Variants in RBFOX1 observed in about 807,000 individuals in gnomAD.
RBFOX1 encodes RNA binding protein fox-1 homolog 1.
Under a neutral mutation model 57.7 loss-of-function variants are expected in RBFOX1, and 8 were observed. That is an observed-to-expected ratio of 0.14 (90% CI 0.08 to 0.25). The LOEUF (loss-of-function observed/expected upper bound fraction) is 0.25, where lower values mean the gene tolerates loss of function less well. Ranked by LOEUF, RBFOX1 falls within the 10% of genes least tolerant of loss-of-function variation. The pLI, the probability that RBFOX1 is intolerant of heterozygous loss-of-function variation, is 1.00. For synonymous variants in RBFOX1, 326 were observed against 222.4 expected (o/e 1.47, Z -4.15); for missense variants, 611 against 548.5 (o/e 1.11, Z -1.14).
At chr16:7,520,708 T>C (rs1049482607) in intron 5 of RBFOX1, among the ~76,000 whole-genome samples, 7 of 152,240 alleles carry the variant, frequency 4.6e-5, no homozygotes, top group African/African-American at 1.2e-4. Flanking sequence ...AGCAGGTGTT[T>C]GTTGCTTTTG....
intron 2 of RBFOX1, among the ~76,000 whole-genome samples, chr16:5,521,524 A>AG (rs1555456219): frequency 0.013 from 1,973 of 152,172 alleles, 41 homozygotes; most frequent in African/African-American, 0.045. Flanking sequence ...CTATCTGTAA[A>AG]CTATTGCCTT....
At chr16:6,908,526 T>C (rs538768621) in intron 3 of RBFOX1, among the ~76,000 whole-genome samples, 95 of 152,318 alleles carry the variant, frequency 6.2e-4, no homozygotes, top group African/African-American at 2.0e-3. Flanking sequence ...AACTCACTTA[T>C]CAGGTTCACC....
In RBFOX1 at chr16:6,987,148, G is replaced by C. The variant is rs182658720; in HGVS notation, c.-15-64909G>C. Among the ~76,000 whole-genome samples the C allele has an allele frequency of 2.3e-3, 345 of 152,182 alleles. 1 individual carries two copies. The highest frequency in any genetic ancestry group is 8.1e-3 in the African/African-American group (338 of 41,516). On this transcript the variant is annotated intron_variant, in intron 3 of 15. Transcript: ENST00000550418. ...TAGTGGGCCTAATAATGGGAGCTCA[G>C]TCAGAGAGCAGCATTTTGATAGAGG... is the stretch of plus-strand genomic sequence containing the variant.
chr16:7,250,963 C>T (rs923595887), intron 4 of RBFOX1, among the ~76,000 whole-genome samples: 14 of 152,174 alleles, frequency 9.2e-5, no homozygotes, highest in South Asian at 2.1e-4. Context: ...TGTGGAATGG[C>T]GAAGTCAGGC....
At chr16:7,366,194 C>G (rs927243786) in intron 4 of RBFOX1, among the ~76,000 whole-genome samples, 1 of 152,230 alleles carries the variant, frequency 6.6e-6, no homozygotes, top group Non-Finnish European at 1.5e-5. Context: ...TTAAGCCAGG[C>G]TGCCACCCCA....
chr16:6,013,464 C>T (rs1453581796), intron 4 of RBFOX1, among the ~76,000 whole-genome samples: 2 of 152,072 alleles, frequency 1.3e-5, no homozygotes, highest in African/African-American at 4.8e-5. Context: ...TAGGAATCTC[C>T]ACCCTCATGA....
chr16:7,624,470 T>C (rs2059775806), intron 10 of RBFOX1, among the ~76,000 whole-genome samples: 1 of 152,232 alleles, frequency 6.6e-6, no homozygotes, highest in African/African-American at 2.4e-5. Flanking sequence ...ACTGAACCTA[T>C]GAGCACTAAA....
At chr16:6,288,849 G>A (rs530795774) in intron 1 of RBFOX1, among the ~76,000 whole-genome samples, 79 of 152,138 alleles carry the variant, frequency 5.2e-4, no homozygotes, top group Middle Eastern at 3.4e-3. Context: ...AATTGAATAG[G>A]GTTGGAATTC....
chr16:7,234,178 A>G (rs1040349000), intron 4 of RBFOX1, among the ~76,000 whole-genome samples: 3 of 152,120 alleles, frequency 2.0e-5, no homozygotes, highest in South Asian at 2.1e-4. Flanking sequence ...ACGGCAGGCA[A>G]TCAAGCTGTG....
At chr16:6,699,009 T>C (rs577719054) in intron 3 of RBFOX1, among the ~76,000 whole-genome samples, 24 of 152,308 alleles carry the variant, frequency 1.6e-4, no homozygotes, top group African/African-American at 5.8e-4. Flanking sequence ...GGCGTTGTTC[T>C]TGGTACACAT....
rs531031684 is a variant in RBFOX1 at position 7,422,379 on chromosome 16, C to T, written c.28-95768C>T. 9.2e-5 allele frequency among the ~76,000 whole-genome samples: 14 copies of T among 152,202 alleles called. No homozygotes were observed. The East Asian group carries it at 1.9e-3, about 21-fold the overall frequency. ...TACTGGGGAAATGGCGGCAAGCAAT[C>T]GGAGGTAATAATGTCCGACAGGCAA... On this transcript the variant is annotated intron_variant, in intron 4 of 15. Transcript: ENST00000550418.
intron 14 of RBFOX1, among the ~76,000 whole-genome samples, chr16:7,699,169 G>A (rs915251778): frequency 6.6e-6 from 1 of 152,126 alleles, no homozygotes; most frequent in Admixed American, 6.5e-5. Flanking sequence ...CACACCTTGG[G>A]ACACACTAAC....
At chr16:5,691,984 C>A (rs139899337) in intron 3 of RBFOX1, among the ~76,000 whole-genome samples, 1 of 151,230 alleles carries the variant, frequency 6.6e-6, no homozygotes, top group African/African-American at 2.4e-5. Flanking sequence ...CATTCTTCAC[C>A]TCTGCTAAGA....
intron 2 of RBFOX1, among the ~76,000 whole-genome samples, chr16:6,329,141 T>C (rs1047956642): frequency 6.6e-6 from 1 of 152,172 alleles, no homozygotes; most frequent in African/African-American, 2.4e-5. Context: ...GGATGGAAGT[T>C]ATTTCAAGTG....
intron 1 of RBFOX1, among the ~76,000 whole-genome samples, chr16:6,250,764 T>G (rs2097603660): frequency 6.6e-6 from 1 of 152,140 alleles, no homozygotes; most frequent in South Asian, 2.1e-4. Flanking sequence ...CAGGCCTGTC[T>G]TGTGTGGGTT....
chr16:5,253,592 C>T (rs918799676), intron 1 of RBFOX1, among the ~76,000 whole-genome samples: 4 of 152,180 alleles, frequency 2.6e-5, no homozygotes, highest in East Asian at 1.9e-4. Context: ...CCTCTGAGTC[C>T]GTGGCAGCCT....
At chr16:6,035,247 G>C (rs2095350545) in intron 1 of RBFOX1, among the ~76,000 whole-genome samples, 1 of 152,164 alleles carries the variant, frequency 6.6e-6, no homozygotes, top group African/African-American at 2.4e-5. Context: ...CATAACACCA[G>C]AGACATGTAT....
intron 4 of RBFOX1, among the ~76,000 whole-genome samples, chr16:5,966,301 C>A (rs1370499262): frequency 1.3e-5 from 2 of 152,128 alleles, no homozygotes; most frequent in African/African-American, 4.8e-5. Flanking sequence ...TTCATTGGCT[C>A]ATGGTTCTGC....
intron 2 of RBFOX1, among the ~76,000 whole-genome samples, chr16:6,495,486 G>T (rs917372221): frequency 6.6e-6 from 1 of 151,116 alleles, no homozygotes; most frequent in Non-Finnish European, 1.5e-5. Flanking sequence ...GTCATAACTT[G>T]TGGGTTGGCT....
Sources: gnomAD v4.1 joint callset for allele counts (sites outside exome capture counted in the v4.1 genomes callset) on GRCh38, gnomAD v4.1.1 for gene constraint, MANE v1.5 for transcripts, NCBI Gene and HGNC (gene_info 2026-07-23, HGNC 2026-07-21) for gene names.